ENTREP2: variants seen among roughly 807,000 people sequenced by gnomAD.
ENTREP2 encodes the protein endosomal transmembrane epsin interactor 2, also known as protein ENTREP2.
the ENTREP2 span, among the ~76,000 whole-genome samples, chr15:29,644,060 A>G: frequency 6.6e-6 from 1 of 152,206 alleles, no homozygotes; most frequent in African/African-American, 2.4e-5. Flanking sequence ...CTGATGTATG[A>G]ATAAAATAAA....
chr15:29,367,304 C>T, the ENTREP2 span, among the ~76,000 whole-genome samples: 19 of 152,184 alleles, frequency 1.2e-4, no homozygotes, highest in African/African-American at 3.9e-4. Context: ...TCCAAAGTCC[C>T]ATTCCCAAAT....
chr15:29,403,563 G>T, the ENTREP2 span, among the ~76,000 whole-genome samples: 1 of 152,114 alleles, frequency 6.6e-6, no homozygotes, highest in Non-Finnish European at 1.5e-5. Flanking sequence ...AAATCCACTG[G>T]AACTATACAA....
At chr15:29,604,380 A>T in the ENTREP2 span, among the ~76,000 whole-genome samples, 2 of 152,210 alleles carry the variant, frequency 1.3e-5, no homozygotes, top group Admixed American at 1.3e-4. Flanking sequence ...AAACTTAAAA[A>T]TGCTCATTCT....
At chr15:29,337,760 C>T in the ENTREP2 span, among the ~76,000 whole-genome samples, 7 of 152,234 alleles carry the variant, frequency 4.6e-5, no homozygotes, top group South Asian at 1.0e-3. Flanking sequence ...ATTCAGTTTT[C>T]ACAACTTCCC....
At chr15:29,362,777 T>C in the ENTREP2 span, among the ~76,000 whole-genome samples, 1 of 152,224 alleles carries the variant, frequency 6.6e-6, no homozygotes, top group South Asian at 2.1e-4. Context: ...AAAGAGTTTA[T>C]ACTTCCAAGT....
chr15:29,415,394 C>T, the ENTREP2 span, among the ~76,000 whole-genome samples: 10 of 152,158 alleles, frequency 6.6e-5, no homozygotes, highest in Non-Finnish European at 1.3e-4. Flanking sequence ...GAACCAAAGA[C>T]AAAAACCACG....
At chr15:29,297,597 A>C in the ENTREP2 span, among the ~76,000 whole-genome samples, 24,722 of 152,200 alleles carry the variant, frequency 0.16, 3,374 homozygotes, top group African/African-American at 0.38. Flanking sequence ...AAGTTGCTAA[A>C]ATCACAGAGA....
At chr15:29,518,765 T>C in the ENTREP2 span, among the ~76,000 whole-genome samples, 1 of 152,000 alleles carries the variant, frequency 6.6e-6, no homozygotes, top group Non-Finnish European at 1.5e-5. Flanking sequence ...AAAACCAAAC[T>C]AGTGACACAG....
chr15:29,285,280 C>T, the ENTREP2 span, among the ~76,000 whole-genome samples: 1 of 152,186 alleles, frequency 6.6e-6, no homozygotes, highest in African/African-American at 2.4e-5. Flanking sequence ...TCTTCCTTTT[C>T]TCTTGCTCTC....
chr15:29,199,738 T>G, the ENTREP2 span, among the ~76,000 whole-genome samples: 12 of 152,238 alleles, frequency 7.9e-5, no homozygotes, highest in Non-Finnish European at 1.2e-4. Context: ...ACGTTTTAAA[T>G]TTTGATGAAG....
the ENTREP2 span, among the ~76,000 whole-genome samples, chr15:29,313,990 A>G: frequency 6.6e-6 from 1 of 152,186 alleles, no homozygotes; most frequent in Admixed American, 6.5e-5. Flanking sequence ...TCCGTGGAGG[A>G]AGTAATCACA....
chr15:29,252,968 T>C, the ENTREP2 span, among the ~76,000 whole-genome samples: 1 of 152,202 alleles, frequency 6.6e-6, no homozygotes, highest in East Asian at 1.9e-4. Flanking sequence ...CCAACTGTGT[T>C]TCATTTACAG....
chr15:29,501,815 A>T, the ENTREP2 span, among the ~76,000 whole-genome samples: 1 of 152,158 alleles, frequency 6.6e-6, no homozygotes, highest in East Asian at 1.9e-4. Flanking sequence ...AAAGCTAATA[A>T]ATTTGGCAAG....
chr15:29,164,396 A>G, the ENTREP2 span, among the ~76,000 whole-genome samples: 1 of 152,236 alleles, frequency 6.6e-6, no homozygotes, highest in Non-Finnish European at 1.5e-5. Context: ...ACAGAACTGC[A>G]GAATGGATAA....
the ENTREP2 span, among the ~76,000 whole-genome samples, chr15:29,275,180 C>G: frequency 1.3e-5 from 2 of 152,232 alleles, no homozygotes; most frequent in Admixed American, 1.3e-4. Flanking sequence ...ATTCTGCCAT[C>G]CTTCAGTAGA....
the ENTREP2 span, among the ~76,000 whole-genome samples, chr15:29,655,824 G>C: frequency 6.6e-6 from 1 of 152,080 alleles, no homozygotes; most frequent in Non-Finnish European, 1.5e-5. Context: ...CCAGGAGTTT[G>C]ACACCACCTG....
At chr15:29,472,542 G>A in the ENTREP2 span, among the ~76,000 whole-genome samples, 10 of 151,288 alleles carry the variant, frequency 6.6e-5, no homozygotes, top group South Asian at 2.1e-3. Context: ...TCGGCTCACT[G>A]CAACCTCCGC....
At chr15:29,380,409 G>A in the ENTREP2 span, among the ~76,000 whole-genome samples, 1 of 152,056 alleles carries the variant, frequency 6.6e-6, no homozygotes, top group African/African-American at 2.4e-5. Context: ...TTATCTCCAA[G>A]TCTAATCACT....
At chr15:29,560,192 G>A in the ENTREP2 span, among the ~76,000 whole-genome samples, 1 of 152,130 alleles carries the variant, frequency 6.6e-6, no homozygotes, top group Non-Finnish European at 1.5e-5. Context: ...AAGGACCACT[G>A]GTGTCTGGTT....
Sources: gnomAD v4.1 joint callset for allele counts (sites outside exome capture counted in the v4.1 genomes callset) on GRCh38, gnomAD v4.1.1 for gene constraint, MANE v1.5 for transcripts, NCBI Gene and HGNC (gene_info 2026-07-23, HGNC 2026-07-21) for gene names.